Variants in PPP1R12A observed in about 807,000 individuals in gnomAD.
PPP1R12A encodes the protein protein phosphatase 1 regulatory subunit 12A, also known as myosin binding subunit.
A neutral mutation model predicts 139.6 loss-of-function variants in PPP1R12A; 19 were observed. That is an observed-to-expected ratio of 0.14 (90% CI 0.09 to 0.20). PPP1R12A has a LOEUF of 0.20. PPP1R12A is among the 10% of genes least tolerant of loss of function. The pLI, the probability that PPP1R12A is intolerant of heterozygous loss-of-function variation, is 1.00. For missense variants in PPP1R12A, 925 were observed against 1,211.5 expected (o/e 0.76, Z 3.51); for synonymous variants, 427 against 420.6 (o/e 1.02, Z -0.19).
At chr12:79,921,433 A>C (rs1887429672) in intron 1 of PPP1R12A, among the ~76,000 whole-genome samples, 1 of 152,224 alleles carries the variant, frequency 6.6e-6, no homozygotes, top group African/African-American at 2.4e-5. Context: ...TACATTCAGA[A>C]GACAAACCAG....
At chr12:79,783,034 G>T (rs1214641912) in intron 22 of PPP1R12A, among the ~76,000 whole-genome samples, 1 of 152,032 alleles carries the variant, frequency 6.6e-6, no homozygotes, top group Admixed American at 6.6e-5. Context: ...AACATTTAAA[G>T]AACTAATCAT....
Position 79,924,551 on chromosome 12 carries a change from C to G in PPP1R12A, c.237+10144G>C, listed in dbSNP as rs1042328446. ...TCAAGCAATCCTCCTGCCTCAGCCT[C>G]CTGAGTAGCTGGGACCACAGATGCG... On this transcript the variant is annotated intron_variant, in intron 1 of 24. Transcript: ENST00000450142. Among the ~76,000 whole-genome samples the G allele has an allele frequency of 4.6e-5, 7 of 152,218 alleles. No individual in the cohort carries two copies. The South Asian group carries it at 1.0e-3, about 23-fold the overall frequency.
intron 21 of PPP1R12A, chr12:79,787,014 C>G (rs929703625): frequency 6.6e-6 from 1 of 152,252 alleles, no homozygotes; most frequent in Non-Finnish European, 1.5e-5. Flanking sequence ...TGCTTTTCGT[C>G]TTTCTTAACA....
At chr12:79,824,938 A>C (rs1182845539) in intron 5 of PPP1R12A, 1 of 152,180 alleles carries the variant, frequency 6.6e-6, no homozygotes, top group East Asian at 1.9e-4. Flanking sequence ...GTCTAACTTC[A>C]TAGTTTCTTC....
rs367581965 is a variant in PPP1R12A, at chr12:79,889,537, TACA to T, written c.238-16602_238-16600del. The stretch of plus-strand genomic sequence containing the variant: ...CATATCCCTGTATCTTTATCTGGTT[TACA>T]ACATTTGTACTGTTCACTTGCTATT... On this transcript the variant is annotated intron_variant, in intron 1 of 24. Transcript: ENST00000450142. Among the ~76,000 whole-genome samples the T allele has an allele frequency of 8.0e-4, 122 of 152,336 alleles. No homozygotes were observed. In the South Asian group the frequency reaches 0.023, roughly 29 times the overall value.
chr12:79,932,292 G>T lies in PPP1R12A; in HGVS notation c.237+2403C>A, dbSNP rs376401586. 2.2e-4 allele frequency among the ~76,000 whole-genome samples: 34 copies of T among 152,218 alleles called. No individual in the cohort carries two copies. The East Asian group carries it at 2.7e-3, about 12-fold the overall frequency. On this transcript the variant is annotated intron_variant, in intron 1 of 24. Transcript: ENST00000450142. ...CTTAAAATTTTCTTGTGTGTGTGTG[G>T]TTTTTAATTTTATTTATTGTCTTTC...
chr12:79,934,821 C>A lies in PPP1R12A; in HGVS notation c.111G>T (p.Lys37Asn). 1 of 1,607,990 alleles carries A rather than the reference C, an allele frequency of 6.2e-7. No individual in the cohort carries two copies. The highest frequency in any genetic ancestry group is 2.2e-5 in the East Asian group (1 of 44,562). Residue 37 changes from lysine to asparagine, a missense_variant, in exon 1 of 25, where the codon AAG becomes AAT. By Grantham distance (94) the Lys-to-Asn change is moderately conservative. This residue lies in a region of PPP1R12A where 199 missense variants were observed against 352.4 expected (regional missense o/e 0.56). Coordinates refer to ENST00000450142, the MANE Select transcript of PPP1R12A (RefSeq NM_002480.3). ...PVVKRQKTKVKFDDGAVFLAA... is the reference protein window; with the variant it reads ...PVVKRQKTKVNFDDGAVFLAA... ...CCAGGAAGACGGCGCCATCGTCGAA[C>A]TTCACCTTGGTCTTCTGGCGCTTCA...
chr12:79,856,858 G>A (rs984244122), intron 2 of PPP1R12A, among the ~76,000 whole-genome samples: 48 of 152,326 alleles, frequency 3.2e-4, no homozygotes, highest in African/African-American at 1.7e-4. Flanking sequence ...AAACAGAACC[G>A]TGAGCTTAGC....
At chr12:79,920,861 A>C (rs1267676685) in intron 1 of PPP1R12A, among the ~76,000 whole-genome samples, 2 of 152,220 alleles carry the variant, frequency 1.3e-5, no homozygotes, top group Admixed American at 6.5e-5. Context: ...AGCTGTAATA[A>C]GTAAATCTTT....
rs528443059 is a variant in PPP1R12A at position 79,934,967 on chromosome 12, G to A, written c.-36C>T. 1.0e-5 allele frequency: 16 copies of A among 1,547,048 alleles called. No homozygotes were observed. The South Asian group carries it at 1.3e-4, about 13-fold the overall frequency. On this transcript the variant is annotated 5_prime_UTR_variant, in exon 1 of 25. Transcript: ENST00000450142. ...GCCGCCGGGTCTTCTTATCGCGAGGGGGGGAAGGGGGAGGCGGAGAGGGAA... is the reference window on the plus strand; with the variant it reads ...GCCGCCGGGTCTTCTTATCGCGAGGAGGGGAAGGGGGAGGCGGAGAGGGAA...
At chr12:79,838,042 G>A (rs1315085152) in intron 3 of PPP1R12A, among the ~76,000 whole-genome samples, 1 of 150,818 alleles carries the variant, frequency 6.6e-6, no homozygotes, top group Non-Finnish European at 1.5e-5. Context: ...AGGGCTCAGA[G>A]GAAGACAGGA....
chr12:79,927,233 C>G (rs1456326282), intron 1 of PPP1R12A, among the ~76,000 whole-genome samples: 1 of 151,946 alleles, frequency 6.6e-6, no homozygotes, highest in African/African-American at 2.4e-5. Flanking sequence ...CACCCAACAA[C>G]TGAAACGATA....
At chr12:79,859,992 A>G (rs1017828441) in intron 2 of PPP1R12A, among the ~76,000 whole-genome samples, 1 of 152,238 alleles carries the variant, frequency 6.6e-6, no homozygotes, top group South Asian at 2.1e-4. Flanking sequence ...AAATCACTCT[A>G]AACAAGAAGA....
At chr12:79,932,270 A>C (rs1378782085) in intron 1 of PPP1R12A, among the ~76,000 whole-genome samples, 1 of 152,234 alleles carries the variant, frequency 6.6e-6, no homozygotes, top group East Asian at 1.9e-4. Context: ...TTAAAGGCTT[A>C]AAATTTTCTT....
chr12:79,844,525 T>C (rs1028692708), intron 3 of PPP1R12A, among the ~76,000 whole-genome samples: 1 of 152,214 alleles, frequency 6.6e-6, no homozygotes, highest in Non-Finnish European at 1.5e-5. Context: ...CTTCATCTAC[T>C]ACCAGTCAAA....
chr12:79,880,310 A>G lies in PPP1R12A; in HGVS notation c.238-7372T>C, dbSNP rs564696354. Reference sequence around the variant, plus strand: ...ATTTGAGCATAATTTTGAAGATTATATAAGAGTTCAAGTACCAAATCAACT... The same window carrying G: ...ATTTGAGCATAATTTTGAAGATTATGTAAGAGTTCAAGTACCAAATCAACT... On this transcript the variant is annotated intron_variant, in intron 1 of 24. Transcript: ENST00000450142. Among the ~76,000 whole-genome samples, 7 of 152,330 alleles carry G rather than the reference A, an allele frequency of 4.6e-5. No individual in the cohort carries two copies. The South Asian group carries it at 8.3e-4, about 18-fold the overall frequency.
chr12:79,862,520 C>T (rs544944794), intron 2 of PPP1R12A, among the ~76,000 whole-genome samples: 2 of 152,038 alleles, frequency 1.3e-5, no homozygotes, highest in Admixed American at 6.6e-5. Flanking sequence ...CAAACTTCTC[C>T]GAGCTAAAAG....
Position 79,907,493 on chromosome 12 carries a change from G to A in PPP1R12A, c.237+27202C>T, listed in dbSNP as rs146704331. Among the ~76,000 whole-genome samples the A allele has an allele frequency of 5.3e-3, 803 of 152,232 alleles. 8 individuals carry two copies. Among genetic ancestry groups the A allele is most frequent in the African/African-American group, 0.017 (715 of 41,542 alleles). On this transcript the variant is annotated intron_variant, in intron 1 of 24. Transcript: ENST00000450142. The stretch of plus-strand genomic sequence containing the variant: ...TCAAGTGGGATATTTTCTTGGGAGG[G>A]AATGAAAATTAAGAACTTGATAAAC...
Position 79,807,327 on chromosome 12 carries a change from A to T in PPP1R12A, c.1554T>A (p.Asp518Glu). 6.5e-7 allele frequency: 1 copy of T among 1,534,816 alleles called. No individual in the cohort carries two copies. Among genetic ancestry groups the T allele is most frequent in the Non-Finnish European group, 8.8e-7 (1 of 1,132,824 alleles). ...TSDIEEKENR[D>E]SSSLRTSSSY... The stretch of plus-strand genomic sequence containing the variant: ...AACTACTTGTTCGCAAACTTGAAGA[A>T]TCTCTGTTAAAAGAACACCCTTCAG... Residue 518 changes from aspartate to glutamate, a missense_variant, in exon 12 of 25, where the codon GAT becomes GAA. Physicochemically the swap from Asp to Glu is conservative, Grantham distance 45 (BLOSUM62 2). This residue lies in a region of PPP1R12A where 403 missense variants were observed against 463.7 expected (regional missense o/e 0.87). Transcript: ENST00000450142.
Sources: allele counts gnomAD v4.1 joint callset (sites outside exome capture counted in the v4.1 genomes callset), GRCh38; gene constraint gnomAD v4.1.1; regional missense constraint gnomAD v4.1.1; transcripts MANE v1.5; gene names NCBI Gene and HGNC (gene_info 2026-07-23, HGNC 2026-07-21).